NCAM2: variants seen among roughly 807,000 people sequenced by gnomAD.
NCAM2 encodes neural cell adhesion molecule 2, also known as N-CAM-2.
In NCAM2, 30 loss-of-function variants were observed where a neutral mutation model predicts 98.1. The observed-to-expected ratio is 0.31, with a 90% CI of 0.23 to 0.41. The LOEUF is 0.41. NCAM2 is among the 10% of genes least tolerant of loss of function. The probability of loss-of-function intolerance (pLI) is 1.00; values close to 1 mark genes in which losing one functional copy is unlikely to be tolerated. For synonymous variants in NCAM2, 368 were observed against 342.4 expected (o/e 1.07, Z -0.83); for missense variants, 867 against 1,005.8 (o/e 0.86, Z 1.87).
intron 1 of NCAM2, among the ~76,000 whole-genome samples, chr21:21,146,439 T>C (rs1341755005): frequency 6.6e-6 from 1 of 151,236 alleles, no homozygotes; most frequent in Non-Finnish European, 1.5e-5. Context: ...CTGAAATTAC[T>C]TGGGTGTACT....
At chr21:21,086,820 T>C (rs1408263451) in intron 1 of NCAM2, among the ~76,000 whole-genome samples, 2 of 152,172 alleles carry the variant, frequency 1.3e-5, no homozygotes, top group Non-Finnish European at 2.9e-5. Flanking sequence ...GATTTCAGTT[T>C]AAATGCAAGG....
chr21:21,246,452 A>G (rs549358470), intron 1 of NCAM2, among the ~76,000 whole-genome samples: 28 of 152,344 alleles, frequency 1.8e-4, no homozygotes, highest in African/African-American at 6.7e-4. Context: ...GAGAAGTAGA[A>G]AAATTAAAAT....
At chr21:21,162,930 GAAATTTGGCAGTTCCTGTGAGGAGATAAA>G (rs1254729036) in intron 1 of NCAM2, among the ~76,000 whole-genome samples, 1 of 152,126 alleles carries the variant, frequency 6.6e-6, no homozygotes, top group Non-Finnish European at 1.5e-5. Context: ...CCACTTAGAA[GAAATTTGGCAGTTCCTGTGAGGAGATAAA>G]ACTGCTTTTA....
chr21:21,019,554 T>G (rs1403334520), intron 1 of NCAM2, among the ~76,000 whole-genome samples: 1 of 152,188 alleles, frequency 6.6e-6, no homozygotes, highest in African/African-American at 2.4e-5. Flanking sequence ...ATGAGGATAA[T>G]AATATTAGTG....
At chr21:21,239,052 CG>C (rs146889038) in intron 1 of NCAM2, among the ~76,000 whole-genome samples, 3 of 152,064 alleles carry the variant, frequency 2.0e-5, no homozygotes, top group East Asian at 1.9e-4. Context: ...GAGCAATAAA[CG>C]GGGGGTGGGG....
intron 1 of NCAM2, among the ~76,000 whole-genome samples, chr21:21,085,591 C>T (rs910887048): frequency 3.3e-5 from 5 of 152,084 alleles, no homozygotes; most frequent in Admixed American, 6.5e-5. Context: ...TTCTAGCTGT[C>T]GTGGTTGGAG....
At chr21:21,322,978 CT>C (rs1213994283) in intron 5 of NCAM2, among the ~76,000 whole-genome samples, 1 of 152,072 alleles carries the variant, frequency 6.6e-6, no homozygotes, top group Non-Finnish European at 1.5e-5. Context: ...AAAATAGAAA[CT>C]TTCCAGGAAG....
intron 1 of NCAM2, among the ~76,000 whole-genome samples, chr21:21,230,443 T>C (rs2070576715): frequency 6.6e-6 from 1 of 151,430 alleles, no homozygotes; most frequent in Non-Finnish European, 1.5e-5. Flanking sequence ...GTGATTTTAC[T>C]GGACCATGTA....
At chr21:21,055,845 G>A (rs1438025932) in intron 1 of NCAM2, among the ~76,000 whole-genome samples, 2 of 152,040 alleles carry the variant, frequency 1.3e-5, no homozygotes, top group African/African-American at 4.8e-5. Flanking sequence ...AAGTGAAAGA[G>A]GAAACATGTA....
chr21:21,038,943 G>A (rs7510537), intron 1 of NCAM2, among the ~76,000 whole-genome samples: 143,205 of 152,184 alleles, frequency 0.94, 67,991 homozygotes, highest in East Asian at 1. Flanking sequence ...AATTGTAACC[G>A]TTTGAATCAC....
chr21:21,447,466 A>G (rs932176922), intron 12 of NCAM2, among the ~76,000 whole-genome samples: 5 of 152,188 alleles, frequency 3.3e-5, no homozygotes, highest in African/African-American at 4.8e-5. Context: ...AACCTAGGCA[A>G]TGCAGTTCAA....
intron 1 of NCAM2, among the ~76,000 whole-genome samples, chr21:21,180,452 T>C (rs973362212): frequency 6.6e-6 from 1 of 152,130 alleles, no homozygotes; most frequent in African/African-American, 2.4e-5. Context: ...ACTTTGTTAA[T>C]TGTCACTCTT....
intron 9 of NCAM2, among the ~76,000 whole-genome samples, chr21:21,399,533 A>G (rs945014571): frequency 1.3e-5 from 2 of 152,238 alleles, no homozygotes; most frequent in Non-Finnish European, 2.9e-5. Context: ...TTTTACAAGG[A>G]TGATGCCTAT....
chr21:21,172,704 T>C (rs564649509), intron 1 of NCAM2, among the ~76,000 whole-genome samples: 85 of 152,264 alleles, frequency 5.6e-4, no homozygotes, highest in African/African-American at 2.0e-3. Context: ...CTGCAGGCGA[T>C]TCATTAATAC....
chr21:21,074,771 A>G (rs995349352), intron 1 of NCAM2, among the ~76,000 whole-genome samples: 3 of 152,192 alleles, frequency 2.0e-5, no homozygotes, highest in African/African-American at 7.2e-5. Context: ...AATAAAATCA[A>G]ATTAGATTTT....
rs146126876 is a variant in NCAM2, at chr21:21,422,348, A to T, written c.1480+3779A>T. Among the ~76,000 whole-genome samples the T allele has an allele frequency of 6.4e-3, 971 of 152,312 alleles. 9 individuals are homozygous for T. Among genetic ancestry groups the T allele is most frequent in the Non-Finnish European group, 0.011 (756 of 68,026 alleles). On this transcript the variant is annotated intron_variant, in intron 11 of 17. Coordinates refer to ENST00000400546, the MANE Select transcript of NCAM2 (RefSeq NM_004540.5). Reference sequence around the variant, plus strand: ...GGAAGATTGAAACATTACTTGTTGGATGCAATGTTCAATATTCTAGTGATG... The same window carrying T: ...GGAAGATTGAAACATTACTTGTTGGTTGCAATGTTCAATATTCTAGTGATG...
intron 1 of NCAM2, among the ~76,000 whole-genome samples, chr21:21,159,797 T>C (rs7282659): frequency 0.017 from 2,514 of 152,142 alleles, 86 homozygotes; most frequent in African/African-American, 0.058. Flanking sequence ...GTGTGTATAC[T>C]GTGTGCATAT....
chr21:21,059,888 T>C (rs946761584), intron 1 of NCAM2, among the ~76,000 whole-genome samples: 1 of 152,084 alleles, frequency 6.6e-6, no homozygotes, highest in African/African-American at 2.4e-5. Flanking sequence ...ATATTAATAG[T>C]GTCCAGACAG....
intron 1 of NCAM2, among the ~76,000 whole-genome samples, chr21:21,032,461 T>G (rs772347855): frequency 6.6e-6 from 1 of 152,168 alleles, no homozygotes; most frequent in Non-Finnish European, 1.5e-5. Context: ...ACAGGGTACC[T>G]ATGCATTAGC....
Sources: gnomAD v4.1 joint callset for allele counts (sites outside exome capture counted in the v4.1 genomes callset) on GRCh38, gnomAD v4.1.1 for gene constraint, MANE v1.5 for transcripts, NCBI Gene and HGNC (gene_info 2026-07-23, HGNC 2026-07-21) for gene names.